The following APBA2 variants were observed in gnomAD, a reference collection of about 807,000 sequenced individuals.
APBA2 encodes the protein amyloid-beta A4 precursor protein-binding family A member 2.
Under a neutral mutation model 75.0 loss-of-function variants are expected in APBA2, and 30 were observed. The observed-to-expected ratio is 0.40, with a 90% confidence interval of 0.30 to 0.54. The LOEUF is 0.54. Ranked by LOEUF, APBA2 falls within the 20% of genes least tolerant of loss-of-function variation. The probability of loss-of-function intolerance (pLI) is 0.49; values close to 1 mark genes in which losing one functional copy is unlikely to be tolerated. For synonymous variants in APBA2, 444 were observed against 409.6 expected (o/e 1.08, Z -1.01); for missense variants, 801 against 1,016.1 (o/e 0.79, Z 2.88).
Position 28,918,923 on chromosome 15 carries a change from T to G in APBA2, c.-204-2717T>G, listed in dbSNP as rs1463080063. ...CTCCCAGGCTGGAGTGCAGTGGCGC[T>G]ATCTTGGCTCACTGCAAGCTCCGCC... On this transcript the variant is annotated intron_variant, in intron 1 of 14. Coordinates refer to ENST00000683413, the MANE Select transcript of APBA2 (RefSeq NM_001353788.2). This position sits in a 1 kb window ranked among gnomAD's most constrained non-coding sequence, Gnocchi z 4.2. Among the ~76,000 whole-genome samples, 2 of 151,850 alleles carry G rather than the reference T, an allele frequency of 1.3e-5. No individual in the cohort carries two copies. Among genetic ancestry groups the G allele is most frequent in the Admixed American group, 1.3e-4 (2 of 15,260 alleles).
At chr15:28,954,993 A>G (rs2036089935) in intron 2 of APBA2, among the ~76,000 whole-genome samples, 1 of 152,126 alleles carries the variant, frequency 6.6e-6, no homozygotes, top group Non-Finnish European at 1.5e-5. Context: ...GAGCAGGGCC[A>G]GAGGCATAGC....
intron 10 of APBA2, among the ~76,000 whole-genome samples, chr15:29,103,120 G>C (rs1392494604): frequency 3.9e-5 from 6 of 152,378 alleles, no homozygotes; most frequent in African/African-American, 1.4e-4. Context: ...CCTGGCTTGG[G>C]GATGGGCCAC....
At chr15:28,898,932 A>G (rs1035198997) in intron 1 of APBA2, among the ~76,000 whole-genome samples, 6 of 152,242 alleles carry the variant, frequency 3.9e-5, no homozygotes, top group Non-Finnish European at 7.3e-5. Flanking sequence ...TAAGATGTAT[A>G]TAGATTTAAT....
chr15:28,949,694 C>G (rs2035746427), intron 2 of APBA2, among the ~76,000 whole-genome samples: 1 of 152,162 alleles, frequency 6.6e-6, no homozygotes, highest in African/African-American at 2.4e-5. Context: ...TTCTCGAACT[C>G]CTGGGCTCAA....
chr15:28,946,145 T>C (rs2035538996), intron 2 of APBA2, among the ~76,000 whole-genome samples: 1 of 152,242 alleles, frequency 6.6e-6, no homozygotes, highest in Non-Finnish European at 1.5e-5. Context: ...GCGTTTGTCA[T>C]TCAGAGACTG....
At position 29,086,932 on chromosome 15, in the gene APBA2, A is replaced by G. The variant is rs576814247; in HGVS notation, c.1070-6143A>G. On this transcript the variant is annotated intron_variant, in intron 6 of 14. Transcript: ENST00000683413. ...CCCCTATTTATCCCCCCACCTCCCA[A>G]TTTCTTCCCTTCCACTATAGGTAAC... is the stretch of plus-strand genomic sequence containing the variant. Among the ~76,000 whole-genome samples the G allele has an allele frequency of 2.6e-5, 4 of 152,170 alleles. No individual in the cohort carries two copies. In the South Asian group the frequency reaches 8.3e-4, roughly 32 times the overall value.
chr15:29,103,869 G>C (rs983337304), intron 10 of APBA2, among the ~76,000 whole-genome samples: 3 of 152,198 alleles, frequency 2.0e-5, no homozygotes, highest in Admixed American at 6.5e-5. Context: ...CGCTGCCCCC[G>C]GCCCTCCTGC....
intron 2 of APBA2, among the ~76,000 whole-genome samples, chr15:28,942,668 C>A (rs1430806393): frequency 1.3e-5 from 2 of 152,208 alleles, no homozygotes; most frequent in Admixed American, 6.5e-5. Context: ...CTCTTGCAAC[C>A]ATCAGACCCA....
chr15:29,009,099 G>GA (rs1188966950), intron 3 of APBA2, among the ~76,000 whole-genome samples: 4 of 152,210 alleles, frequency 2.6e-5, no homozygotes, highest in African/African-American at 9.6e-5. Context: ...GAAGGCATCA[G>GA]AAAATCTGAC....
At position 29,046,091 on chromosome 15, in the gene APBA2, AC is replaced by A. The variant is rs1444299685; in HGVS notation, c.-40-7753del. Among the ~76,000 whole-genome samples, 1 of 152,192 alleles carries A rather than the reference AC, an allele frequency of 6.6e-6. No individual in the cohort carries two copies. The highest frequency in any genetic ancestry group is 1.5e-5 in the Non-Finnish European group (1 of 68,032). ...AGCTATGTGGGACCTTCCTTCAGGC[AC>A]TAAAGGGCTTCCTGAAAAAGTTGCT... is the stretch of plus-strand genomic sequence containing the variant. On this transcript the variant is annotated intron_variant, in intron 3 of 14. Coordinates refer to ENST00000683413, the MANE Select transcript of APBA2 (RefSeq NM_001353788.2). The surrounding 1 kb of genome is among the most constrained non-coding windows in gnomAD (Gnocchi z 5.0).
intron 8 of APBA2, among the ~76,000 whole-genome samples, chr15:29,094,930 G>C (rs2043777712): frequency 6.6e-6 from 1 of 150,520 alleles, no homozygotes; most frequent in Non-Finnish European, 1.5e-5. Context: ...AGCTGGTCAT[G>C]ATGGCACATG....
At chr15:29,097,558 G>A (rs1030570965) in intron 8 of APBA2, among the ~76,000 whole-genome samples, 1 of 152,208 alleles carries the variant, frequency 6.6e-6, no homozygotes. Flanking sequence ...GGATAAAATT[G>A]TATGTATTTG....
chr15:29,101,799 G>A lies in APBA2; in HGVS notation c.1524+15G>A. On this transcript the variant is annotated intron_variant, in intron 10 of 14. Coordinates refer to ENST00000683413, the MANE Select transcript of APBA2 (RefSeq NM_001353788.2). ...AGTCGGAGGATGTAAGTAAGCCCTT[G>A]CCAGGGCACTCCCCTCCCAAAGTTC... is the stretch of plus-strand genomic sequence containing the variant. 2.5e-6 allele frequency: 4 copies of A among 1,610,796 alleles called. No homozygotes were observed. Among genetic ancestry groups the A allele is most frequent in the Non-Finnish European group, 3.4e-6 (4 of 1,178,938 alleles).
At position 29,113,968 on chromosome 15, in the gene APBA2, C is replaced by T. The variant is rs757963309; in HGVS notation, c.2130C>T (p.Ala710=). The change falls in exon 14 of 15, where the codon GCC becomes GCT. Residue 710 remains alanine, a synonymous_variant. Transcript: ENST00000683413. ...IIEINGQSVV[A]TAHEKIVQAL... ...AGATCAACGGGCAGAGCGTGGTGGCCACAGCCCACGAGAAGATAGTCCAAG... is the reference window on the plus strand; with the variant it reads ...AGATCAACGGGCAGAGCGTGGTGGCTACAGCCCACGAGAAGATAGTCCAAG... The T allele has an allele frequency of 6.2e-7, 1 of 1,613,750 alleles. No individual in the cohort carries two copies. Among genetic ancestry groups the T allele is most frequent in the East Asian group, 2.2e-5 (1 of 44,868 alleles).
intron 2 of APBA2, among the ~76,000 whole-genome samples, chr15:28,949,591 C>A (rs1243305400): frequency 6.6e-6 from 1 of 152,178 alleles, no homozygotes; most frequent in Non-Finnish European, 1.5e-5. Context: ...ACCTCAGCCT[C>A]CCAATTAGAT....
intron 1 of APBA2, among the ~76,000 whole-genome samples, chr15:28,897,617 CAAAAA>C (rs370287342): frequency 6.3e-5 from 5 of 78,750 alleles, no homozygotes; most frequent in African/African-American, 1.1e-4. Context: ...GATTCCGTCT[CAAAAA>C]AAAAAAAAAA....
At chr15:29,031,336 G>T (rs1368911736) in intron 3 of APBA2, among the ~76,000 whole-genome samples, 1 of 152,296 alleles carries the variant, frequency 6.6e-6, no homozygotes, top group South Asian at 2.1e-4. Flanking sequence ...CACAGTTCTG[G>T]AGGCTGGGAG....
At chr15:29,059,359 G>T (rs939594682) in intron 4 of APBA2, among the ~76,000 whole-genome samples, 1 of 152,096 alleles carries the variant, frequency 6.6e-6, no homozygotes, top group African/African-American at 2.4e-5. Flanking sequence ...GTGCTGACTC[G>T]TCTATGCTGC....
intron 2 of APBA2, among the ~76,000 whole-genome samples, chr15:28,972,581 G>A (rs1358958233): frequency 6.6e-6 from 1 of 152,216 alleles, no homozygotes; most frequent in Non-Finnish European, 1.5e-5. Context: ...ATACTTTTAA[G>A]AAACTCAAGG....
Sources: allele counts gnomAD v4.1 joint callset (sites outside exome capture counted in the v4.1 genomes callset), GRCh38; gene constraint gnomAD v4.1.1; non-coding constraint Gnocchi (gnomAD v3.1); transcripts MANE v1.5; gene names NCBI Gene and HGNC (gene_info 2026-07-23, HGNC 2026-07-21).